The following SHB variants were observed in gnomAD, a reference collection of about 807,000 sequenced individuals.
The protein encoded by SHB is SH2 domain containing adaptor protein B.
In SHB, 20 loss-of-function variants were observed where a neutral mutation model predicts 52.3. The observed-to-expected ratio is 0.38, with a 90% CI of 0.27 to 0.56. SHB has a LOEUF of 0.56. Ranked by LOEUF, SHB falls within the 20% of genes least tolerant of loss-of-function variation. The pLI is 0.71. For missense variants in SHB, 825 were observed against 723.3 expected, an observed-to-expected ratio of 1.14 and a Z score of -1.61; for synonymous variants, 397 against 316.5, an observed-to-expected ratio of 1.25 and a Z score of -2.70.
intron 2 of SHB, among the ~76,000 whole-genome samples, chr9:37,985,652 G>A (rs531307041): frequency 6.6e-6 from 1 of 152,360 alleles, no homozygotes; most frequent in South Asian, 2.1e-4. Flanking sequence ...CTCGCCGACT[G>A]CAACATCCAA....
intron 1 of SHB, among the ~76,000 whole-genome samples, chr9:38,050,708 T>C (rs1005771986): frequency 6.6e-6 from 1 of 152,190 alleles, no homozygotes; most frequent in Non-Finnish European, 1.5e-5. Flanking sequence ...CTTGAATATA[T>C]ATGGAACTAG....
At chr9:37,920,140 C>T (rs540959029) in intron 5 of SHB, 136 bp from the exon 6 acceptor site, 22 of 676,402 alleles carry the variant, frequency 3.3e-5, no homozygotes, top group Admixed American at 8.2e-5. Context: ...AAGCCAGGAC[C>T]GAGGCCCAGG....
chr9:37,921,746 G>A (rs1001067319), intron 5 of SHB, among the ~76,000 whole-genome samples: 1 of 152,200 alleles, frequency 6.6e-6, no homozygotes, highest in African/African-American at 2.4e-5. Context: ...GAAAGGAAAC[G>A]GCATGTGTGT....
intron 1 of SHB, among the ~76,000 whole-genome samples, chr9:38,042,137 G>T (rs1309337584): frequency 6.6e-6 from 1 of 152,184 alleles, no homozygotes; most frequent in Non-Finnish European, 1.5e-5. Context: ...TCTGTCCTGT[G>T]CCGGGTCACC....
At chr9:38,013,760 T>G (rs1003010561) in intron 2 of SHB, among the ~76,000 whole-genome samples, 5 of 152,100 alleles carry the variant, frequency 3.3e-5, no homozygotes, top group East Asian at 1.9e-4. Flanking sequence ...GCAGATGCCC[T>G]CTCCCATCCC....
chr9:37,948,504 C>T, intron 5 of SHB, 131 bp downstream of exon 5: 1 of 1,085,180 alleles, frequency 9.2e-7, no homozygotes, highest in Non-Finnish European at 1.3e-6. Context: ...TTGAAAAACC[C>T]AGGCCTAAAA....
chr9:37,980,051 G>T (rs1327842242), intron 2 of SHB, among the ~76,000 whole-genome samples: 2 of 152,152 alleles, frequency 1.3e-5, no homozygotes, highest in Non-Finnish European at 2.9e-5. Flanking sequence ...GACTGATCAG[G>T]GTGGTAGTTC....
intron 5 of SHB, among the ~76,000 whole-genome samples, chr9:37,933,991 C>T (rs376497131): frequency 1.0e-3 from 154 of 152,358 alleles, no homozygotes; most frequent in African/African-American, 3.5e-3. Flanking sequence ...CCATCCTGGT[C>T]GCTTCTGCTG....
At chr9:37,988,028 G>A (rs1587231175) in intron 2 of SHB, among the ~76,000 whole-genome samples, 1 of 152,264 alleles carries the variant, frequency 6.6e-6, no homozygotes, top group East Asian at 1.9e-4. Flanking sequence ...TGTATACCTG[G>A]GGCGTCACAG....
chr9:37,942,425 C>G (rs1391190177), intron 5 of SHB, among the ~76,000 whole-genome samples: 1 of 152,176 alleles, frequency 6.6e-6, no homozygotes, highest in Non-Finnish European at 1.5e-5. Flanking sequence ...GACCCCAGAC[C>G]CTCATTTTAT....
Position 38,069,120 on chromosome 9 carries a change from CGGA to C in SHB, c.-478_-476del, listed in dbSNP as rs914515286. The C allele has an allele frequency of 6.6e-6, 1 of 151,728 alleles. No individual in the cohort carries two copies. The highest frequency in any genetic ancestry group is 2.0e-4 in the East Asian group (1 of 5,118). 9.4% of individuals were successfully genotyped at this position (151,728 alleles called of 1,614,324 possible). A position where few individuals can be genotyped will look rare whatever the true frequency, so the allele number is the denominator to read the frequency against. On this transcript the variant is annotated 5_prime_UTR_variant, in exon 1 of 6. Transcript: ENST00000377707. ...CGCTGGGGAGAGCTCGGCCCCGCAGCGGAGGAGAATGCGGCCGGGAGAGACAGC... is the reference window on the plus strand; with the variant it reads ...CGCTGGGGAGAGCTCGGCCCCGCAGCGGAGAATGCGGCCGGGAGAGACAGC...
chr9:37,972,963 G>C (rs1225676682), intron 3 of SHB, among the ~76,000 whole-genome samples: 1 of 152,152 alleles, frequency 6.6e-6, no homozygotes, highest in African/African-American at 2.4e-5. Context: ...AGTGTGGTAG[G>C]AATTAAATGT....
In SHB at chr9:38,004,155, A is replaced by C. The variant is rs186953897; in HGVS notation, c.838+11856T>G. Among the ~76,000 whole-genome samples the C allele has an allele frequency of 2.3e-4, 35 of 152,274 alleles. No individual in the cohort carries two copies. In the East Asian group the frequency reaches 3.7e-3, roughly 16 times the overall value. ...CTCCAGGTTTCTTACTGGAAAATGG[A>C]AACAACCCAGGCGCTCCCTCCCTGG... is the stretch of plus-strand genomic sequence containing the variant. On this transcript the variant is annotated intron_variant, in intron 2 of 5. Transcript: ENST00000377707.
At position 37,916,513 on chromosome 9, in the gene SHB, A is replaced by G. The variant is rs1037950387; in HGVS notation, c.*3308T>C. Among the ~76,000 whole-genome samples the G allele has an allele frequency of 1.3e-5, 2 of 152,248 alleles. No individual in the cohort carries two copies. Among genetic ancestry groups the G allele is most frequent in the Non-Finnish European group, 2.9e-5 (2 of 68,044 alleles). On this transcript the variant is annotated 3_prime_UTR_variant, in exon 6 of 6. Coordinates refer to ENST00000377707, the MANE Select transcript of SHB (RefSeq NM_003028.3). ...CTGGGAATGGGCAGAGGGAGCCTGC[A>G]GCTCCACCCTGTTGACCGGACGCCT...
In SHB at chr9:37,948,741, C is replaced by G. The variant is rs781636653; in HGVS notation, c.1240G>C (p.Ala414Pro). Residue 414 changes from alanine (A) to proline (P), a missense_variant, in exon 5 of 6, where the codon GCC becomes CCC. By Grantham distance (27) the Ala-to-Pro change is conservative (BLOSUM62 -1). Coordinates refer to ENST00000377707, the MANE Select transcript of SHB (RefSeq NM_003028.3). ...TTCTCGGCGTCTCCTCTGCTGATGG[C>G]TCCGTGATACCATCTGTGGAGAGGG... ...PLEKQIWYHGAISRGDAENLL... is the reference protein window; with the variant it reads ...PLEKQIWYHGPISRGDAENLL... The G allele has an allele frequency of 1.5e-5, 24 of 1,613,712 alleles. No homozygotes were observed. Among genetic ancestry groups the G allele is most frequent in the Non-Finnish European group, 1.8e-5 (21 of 1,180,022 alleles).
intron 1 of SHB, among the ~76,000 whole-genome samples, chr9:38,026,395 G>C (rs898849636): frequency 3.9e-5 from 6 of 152,364 alleles, no homozygotes; most frequent in South Asian, 2.1e-4. Flanking sequence ...GCGGGAACCC[G>C]CACTAAGTGA....
intron 1 of SHB, among the ~76,000 whole-genome samples, chr9:38,060,141 A>G (rs1821874450): frequency 6.6e-6 from 1 of 152,150 alleles, no homozygotes; most frequent in Non-Finnish European, 1.5e-5. Flanking sequence ...TTCACATCTC[A>G]TCTCTGCCAC....
At chr9:38,059,038 T>C (rs1046607126) in intron 1 of SHB, among the ~76,000 whole-genome samples, 24 of 152,238 alleles carry the variant, frequency 1.6e-4, no homozygotes, top group Admixed American at 5.9e-4. Flanking sequence ...TAGACTCTTA[T>C]CTGCTTTGTT....
intron 3 of SHB, among the ~76,000 whole-genome samples, chr9:37,963,248 C>G (rs1832713351): frequency 6.6e-6 from 1 of 152,214 alleles, no homozygotes; most frequent in Admixed American, 6.5e-5. Context: ...GTTCTCCAAG[C>G]TCTGACTGTC....
Sources: allele counts gnomAD v4.1 joint callset (sites outside exome capture counted in the v4.1 genomes callset), GRCh38; gene constraint gnomAD v4.1.1; transcripts MANE v1.5; gene names NCBI Gene and HGNC (gene_info 2026-07-23, HGNC 2026-07-21).